AMOTL1: variants seen among roughly 807,000 people sequenced by gnomAD.
The protein encoded by AMOTL1 is angiomotin-like protein 1.
A neutral mutation model predicts 102.9 loss-of-function variants in AMOTL1; 45 were observed. That is an observed-to-expected ratio of 0.44 (90% CI 0.34 to 0.56). The LOEUF is 0.56. AMOTL1 is among the 20% of genes least tolerant of loss of function. AMOTL1 has a pLI of 0.01. For synonymous variants in AMOTL1, 481 were observed against 484.7 expected (o/e 0.99, Z 0.10); for missense variants, 1,114 against 1,225.6 (o/e 0.91, Z 1.36).
Position 94,800,120 on chromosome 11 carries a change from A to C in AMOTL1, c.930A>C (p.Pro310=). The C allele has an allele frequency of 6.2e-7, 1 of 1,613,908 alleles. No homozygotes were observed. The highest frequency in any genetic ancestry group is 8.5e-7 in the Non-Finnish European group (1 of 1,179,852). The stretch of plus-strand genomic sequence containing the variant: ...AAGTGCTGGACCCTCGGGGTCCTCC[A>C]CCTGAGTACCCCTTCAAGACCAAGC... The part of the protein sequence containing the change: ...AGKVLDPRGP[P]PEYPFKTKQM... The change falls in exon 3 of 13, where the codon CCA becomes CCC. Residue 310 remains proline, a synonymous_variant. Transcript: ENST00000433060.
intron 1 of AMOTL1, among the ~76,000 whole-genome samples, chr11:94,726,577 T>C (rs1396698060): frequency 1.3e-5 from 1 of 75,532 alleles, no homozygotes. Flanking sequence ...AGAAAGTATT[T>C]CTTCACTTCC....
At chr11:94,729,062 C>G (rs1262600843) in intron 2 of AMOTL1, 1 of 1,288,894 alleles carries the variant, frequency 7.8e-7, no homozygotes, top group Non-Finnish European at 1.0e-6. Context: ...GCGGGTAAGG[C>G]CGTTTTTGAT....
At chr11:94,752,501 G>C (rs563375210) in intron 3 of AMOTL1, among the ~76,000 whole-genome samples, 2 of 152,256 alleles carry the variant, frequency 1.3e-5, no homozygotes, top group African/African-American at 2.4e-5. Flanking sequence ...CAGGACCCCT[G>C]CTTATGAACA....
chr11:94,830,023 C>T, intron 4 of AMOTL1, 27 bp from the exon 5 acceptor site: 2 of 1,564,340 alleles, frequency 1.3e-6, no homozygotes, highest in Admixed American at 2.0e-5. Context: ...TCAAAGGTAC[C>T]ACTTTAATGC....
chr11:94,730,683 T>TGAAC (rs374328882), intron 2 of AMOTL1, among the ~76,000 whole-genome samples: 3 of 152,252 alleles, frequency 2.0e-5, no homozygotes, highest in African/African-American at 7.2e-5. Flanking sequence ...GATGAATGAA[T>TGAAC]GAATGAATGA....
chr11:94,821,910 A>G, intron 4 of AMOTL1, 89 bp downstream of exon 4: 3 of 1,511,222 alleles, frequency 2.0e-6, no homozygotes, highest in Non-Finnish European at 2.7e-6. Context: ...CCAACATTGC[A>G]GTAGACCCCT....
At chr11:94,810,941 A>T (rs3995611) in intron 3 of AMOTL1, among the ~76,000 whole-genome samples, 41,139 of 151,852 alleles carry the variant, frequency 0.27, 6,164 homozygotes, top group East Asian at 0.47. Flanking sequence ...AGAAAAAAAA[A>T]TTTTAAGTCT....
intron 3 of AMOTL1, among the ~76,000 whole-genome samples, chr11:94,807,016 AT>A (rs971293005): frequency 1.3e-5 from 2 of 151,848 alleles, no homozygotes; most frequent in Admixed American, 6.6e-5. Context: ...GTTACAGCTG[AT>A]TTTTTTTCCC....
intron 1 of AMOTL1, among the ~76,000 whole-genome samples, chr11:94,727,810 A>T (rs1041720836): frequency 2.0e-5 from 3 of 152,210 alleles, no homozygotes; most frequent in Non-Finnish European, 4.4e-5. Flanking sequence ...AGTACCCAAT[A>T]AAGTGCACTA....
intron 1 of AMOTL1, among the ~76,000 whole-genome samples, chr11:94,773,947 T>C (rs1386293391): frequency 6.6e-6 from 1 of 152,226 alleles, no homozygotes; most frequent in East Asian, 1.9e-4. Flanking sequence ...GCCGCCTCCT[T>C]GCTGTGTGAC....
At chr11:94,727,306 A>G (rs971016979) in intron 1 of AMOTL1, among the ~76,000 whole-genome samples, 2 of 152,220 alleles carry the variant, frequency 1.3e-5, no homozygotes, top group South Asian at 4.1e-4. Flanking sequence ...AATAATCAGC[A>G]AAGATATAAA....
At chr11:94,752,849 G>T (rs1950673672) in intron 3 of AMOTL1, among the ~76,000 whole-genome samples, 1 of 152,150 alleles carries the variant, frequency 6.6e-6, no homozygotes, top group African/African-American at 2.4e-5. Context: ...GGCCGGTGGG[G>T]TGGGGTACAA....
intron 1 of AMOTL1, among the ~76,000 whole-genome samples, chr11:94,724,729 G>C (rs577234203): frequency 6.6e-6 from 1 of 152,166 alleles, no homozygotes; most frequent in South Asian, 2.1e-4. Context: ...CTAGTACCTA[G>C]GAGACACCAA....
At chr11:94,751,944 C>T (rs560753349) in intron 3 of AMOTL1, among the ~76,000 whole-genome samples, 1 of 152,248 alleles carries the variant, frequency 6.6e-6, no homozygotes, top group African/African-American at 2.4e-5. Flanking sequence ...AACGATATTT[C>T]ATCAGTTGTT....
intron 9 of AMOTL1, among the ~76,000 whole-genome samples, chr11:94,860,930 C>T (rs948483262): frequency 3.3e-5 from 5 of 152,098 alleles, no homozygotes; most frequent in African/African-American, 1.2e-4. Flanking sequence ...TCATTATCGA[C>T]GTAGGGGAGA....
intron 1 of AMOTL1, among the ~76,000 whole-genome samples, chr11:94,719,336 G>A (rs1394574151): frequency 1.3e-5 from 2 of 151,980 alleles, no homozygotes; most frequent in Non-Finnish European, 2.9e-5. Flanking sequence ...TATCGAAAAT[G>A]TCTAGGCTAG....
chr11:94,765,926 G>A (rs906776564), upstream of AMOTL1, among the ~76,000 whole-genome samples: 17 of 152,140 alleles, frequency 1.1e-4, no homozygotes, highest in Non-Finnish European at 2.2e-4. Context: ...CTCTTGCCCA[G>A]AGGATAGTAA....
chr11:94,864,241 C>T (rs2135735832), intron 9 of AMOTL1, among the ~76,000 whole-genome samples: 1 of 140,538 alleles, frequency 7.1e-6, no homozygotes, highest in South Asian at 2.3e-4. Flanking sequence ...ATGGAAACAC[C>T]AACAAATACA....
At chr11:94,857,096 C>A (rs1242028869) in intron 8 of AMOTL1, among the ~76,000 whole-genome samples, 2 of 152,180 alleles carry the variant, frequency 1.3e-5, no homozygotes, top group Non-Finnish European at 2.9e-5. Context: ...TGCCTCCCAC[C>A]AGAAAAGTAG....
Sources: allele counts gnomAD v4.1 joint callset (sites outside exome capture counted in the v4.1 genomes callset), GRCh38; gene constraint gnomAD v4.1.1; transcripts MANE v1.5; gene names NCBI Gene and HGNC (gene_info 2026-07-23, HGNC 2026-07-21).